The following CAB39 variants were observed in gnomAD, a reference collection of about 807,000 sequenced individuals.
CAB39 encodes the protein calcium binding protein 39.
CAB39 carries 8 observed loss-of-function variants against 40.0 expected under a neutral mutation model. The ratio of observed to expected loss-of-function variants is 0.20; its 90% CI spans 0.12 to 0.36. CAB39 has a LOEUF of 0.36. Among genes scored for constraint, CAB39 ranks in the 10% least tolerant of loss-of-function variants. The pLI is 1.00. For missense variants in CAB39, 270 were observed against 401.1 expected (o/e 0.67, Z 2.79); for synonymous variants, 156 against 141.6 (o/e 1.10, Z -0.72).
chr2:230,793,370 C>A, intron 4 of CAB39, 39 bp downstream of exon 4: 1 of 1,005,762 alleles, frequency 9.9e-7, no homozygotes, highest in Non-Finnish European at 1.4e-6. Flanking sequence ...CTCAGTTGAA[C>A]ATAAAGGAAG....
At chr2:230,747,486 CAT>C (rs1305689276) in intron 1 of CAB39, among the ~76,000 whole-genome samples, 2 of 152,182 alleles carry the variant, frequency 1.3e-5, no homozygotes, top group Non-Finnish European at 2.9e-5. Flanking sequence ...AATGAAAACA[CAT>C]GTAGATTGGA....
intron 1 of CAB39, among the ~76,000 whole-genome samples, chr2:230,727,740 A>G (rs1380013227): frequency 6.6e-6 from 1 of 152,038 alleles, no homozygotes; most frequent in Non-Finnish European, 1.5e-5. Flanking sequence ...TATTAAATAT[A>G]TATTAAAGGC....
intron 2 of CAB39, among the ~76,000 whole-genome samples, chr2:230,760,960 C>G (rs1695279515): frequency 6.6e-6 from 1 of 151,660 alleles, no homozygotes; most frequent in South Asian, 2.1e-4. Context: ...TTGTAACACA[C>G]AGGATCTTCG....
intron 1 of CAB39, among the ~76,000 whole-genome samples, chr2:230,749,165 A>G (rs1011388688): frequency 4.0e-5 from 6 of 151,880 alleles, no homozygotes; most frequent in East Asian, 1.9e-4. Flanking sequence ...TAAATATACA[A>G]TACTTTAATG....
chr2:230,742,218 A>G (rs1482966979), intron 1 of CAB39, among the ~76,000 whole-genome samples: 2 of 152,078 alleles, frequency 1.3e-5, no homozygotes, highest in African/African-American at 2.4e-5. Flanking sequence ...TCTGTCGCCC[A>G]GGCTGGAGTG....
chr2:230,731,298 T>C (rs1694684362), intron 1 of CAB39, among the ~76,000 whole-genome samples: 1 of 152,236 alleles, frequency 6.6e-6, no homozygotes. Flanking sequence ...CGATCTCATA[T>C]ACTGCTGGTA....
At chr2:230,731,420 G>A (rs1026040917) in intron 1 of CAB39, among the ~76,000 whole-genome samples, 2 of 152,032 alleles carry the variant, frequency 1.3e-5, no homozygotes, top group African/African-American at 2.4e-5. Flanking sequence ...AGTGATCTTC[G>A]GTGTCTTAAA....
intron 2 of CAB39, among the ~76,000 whole-genome samples, chr2:230,763,016 G>A (rs529884484): frequency 3.0e-4 from 46 of 152,098 alleles, no homozygotes; most frequent in Non-Finnish European, 5.7e-4. Context: ...GTAAGTATAG[G>A]TGTGTTATCT....
At chr2:230,740,465 G>A (rs1280074413) in intron 1 of CAB39, among the ~76,000 whole-genome samples, 1 of 152,150 alleles carries the variant, frequency 6.6e-6, no homozygotes, top group African/African-American at 2.4e-5. Flanking sequence ...AGTCCTGCTG[G>A]CACGTCCCAA....
chr2:230,748,821 A>ATATATAT, intron 1 of CAB39, among the ~76,000 whole-genome samples: 1 of 57,206 alleles, frequency 1.7e-5, no homozygotes, highest in Non-Finnish European at 3.4e-5. Context: ...AAGAAAAAAA[A>ATATATAT]AAAAAAAAAA....
intron 6 of CAB39, among the ~76,000 whole-genome samples, chr2:230,812,391 TTGTC>T (rs1415680055): frequency 6.6e-6 from 1 of 152,196 alleles, no homozygotes; most frequent in Non-Finnish European, 1.5e-5. Context: ...TACTTACTCT[TTGTC>T]TGTCCTAATA....
At chr2:230,725,158 G>C (rs181176796) in intron 1 of CAB39, 15 of 1,613,296 alleles carry the variant, frequency 9.3e-6, no homozygotes, top group Non-Finnish European at 1.3e-5. Context: ...AGAAGGCGTC[G>C]CACCACTCTC....
chr2:230,734,587 C>T (rs1032905646), intron 1 of CAB39, among the ~76,000 whole-genome samples: 2 of 152,150 alleles, frequency 1.3e-5, no homozygotes, highest in East Asian at 3.8e-4. Flanking sequence ...TGGAGTCTGT[C>T]GTCTTCCCCT....
intron 5 of CAB39, among the ~76,000 whole-genome samples, chr2:230,805,848 C>A (rs911189309): frequency 1.3e-5 from 2 of 152,238 alleles, no homozygotes; most frequent in Admixed American, 6.5e-5. Context: ...AGAGAAACTT[C>A]TAGCGAATTT....
intron 1 of CAB39, among the ~76,000 whole-genome samples, chr2:230,740,472 C>A (rs1267836100): frequency 6.6e-6 from 1 of 152,162 alleles, no homozygotes; most frequent in African/African-American, 2.4e-5. Context: ...CTGGCACGTC[C>A]CAAAATGCAG....
intron 6 of CAB39, among the ~76,000 whole-genome samples, chr2:230,811,257 T>C (rs1696299184): frequency 6.6e-6 from 1 of 152,202 alleles, no homozygotes; most frequent in Admixed American, 6.5e-5. Context: ...TCAAATACAT[T>C]CTGAGATTCT....
At chr2:230,783,974 A>G (rs1695743187) in intron 2 of CAB39, among the ~76,000 whole-genome samples, 1 of 152,238 alleles carries the variant, frequency 6.6e-6, no homozygotes, top group Non-Finnish European at 1.5e-5. Flanking sequence ...AGTCATATTT[A>G]TGTTATGAAA....
At chr2:230,793,147 T>TG in intron 3 of CAB39, 66 bp from the exon 4 acceptor site, 1 of 851,524 alleles carries the variant, frequency 1.2e-6, no homozygotes, top group Non-Finnish European at 2.0e-6. Flanking sequence ...CGAGTTCATT[T>TG]GGGAGGGTGA....
chr2:230,815,190 G>A (rs966726422), intron 7 of CAB39, among the ~76,000 whole-genome samples: 35 of 152,260 alleles, frequency 2.3e-4, no homozygotes, highest in Admixed American at 1.2e-3. Context: ...CCTTTTTTCC[G>A]TGTAAGGCTG....
Sources: allele counts gnomAD v4.1 joint callset (sites outside exome capture counted in the v4.1 genomes callset), GRCh38; gene constraint gnomAD v4.1.1; transcripts MANE v1.5; gene names NCBI Gene and HGNC (gene_info 2026-07-23, HGNC 2026-07-21).